Variants in MLIP observed in about 807,000 individuals in gnomAD.
MLIP encodes muscular LMNA-interacting protein.
In MLIP, 79 loss-of-function variants were observed where a neutral mutation model predicts 84.8. The observed-to-expected ratio is 0.93, with a 90% CI of 0.78 to 1.12. The LOEUF (loss-of-function observed/expected upper bound fraction) is 1.12. Among genes scored for constraint, MLIP ranks in the 50% most tolerant of loss-of-function variants. The pLI is 0.00. For missense variants in MLIP, 1,257 were observed against 1,160.6 expected (o/e 1.08, Z -1.21); for synonymous variants, 504 against 463.0 (o/e 1.09, Z -1.14).
At chr6:54,136,619 T>G (rs1004131305) in intron 3 of MLIP, 96 bp from the exon 4 acceptor site, 193 of 1,207,894 alleles carry the variant, frequency 1.6e-4, no homozygotes, top group Non-Finnish European at 2.0e-4. Flanking sequence ...CCTCCTTTTG[T>G]GTAAATTGTT....
chr6:54,063,778 G>A (rs1189694712), intron 1 of MLIP, among the ~76,000 whole-genome samples: 4 of 150,836 alleles, frequency 2.7e-5, no homozygotes, highest in Non-Finnish European at 5.9e-5. Context: ...AGTACGTATA[G>A]TAATAAAAAT....
chr6:54,141,505 C>T (rs1772303453), intron 4 of MLIP, among the ~76,000 whole-genome samples: 4 of 152,060 alleles, frequency 2.6e-5, no homozygotes, highest in Admixed American at 2.6e-4. Flanking sequence ...CGGGGTTTCA[C>T]CATGTTGGCC....
intron 2 of MLIP, among the ~76,000 whole-genome samples, chr6:54,123,480 T>C (rs539671424): frequency 6.6e-6 from 1 of 152,344 alleles, no homozygotes; most frequent in East Asian, 1.9e-4. Context: ...CCTGACTATA[T>C]CCTCATTATC....
At chr6:54,227,503 T>C (rs1024385057) in intron 11 of MLIP, among the ~76,000 whole-genome samples, 1 of 152,068 alleles carries the variant, frequency 6.6e-6, no homozygotes, top group Admixed American at 6.5e-5. Context: ...CCTACAAAAG[T>C]AGATGAAGAT....
intron 9 of MLIP, among the ~76,000 whole-genome samples, chr6:54,179,142 A>G (rs1296495365): frequency 3.3e-5 from 5 of 152,188 alleles, no homozygotes. Context: ...TTTTATCATT[A>G]TATAATGACA....
At chr6:54,217,387 C>A in intron 11 of MLIP, 3 of 985,394 alleles carry the variant, frequency 3.0e-6, no homozygotes, top group Non-Finnish European at 3.6e-6. Flanking sequence ...TGAAGTTAAA[C>A]AGTATGATTT....
At chr6:54,023,860 G>A (rs1581973396) in intron 1 of MLIP, among the ~76,000 whole-genome samples, 1 of 151,958 alleles carries the variant, frequency 6.6e-6, no homozygotes, top group East Asian at 1.9e-4. Flanking sequence ...GAGAGCCACT[G>A]TGCCTGGCCC....
Position 54,230,584 on chromosome 6 carries a change from C to G in MLIP, c.2719-130C>G, listed in dbSNP as rs1238708326. On this transcript the variant is annotated intron_variant, in intron 11 of 13. Coordinates refer to ENST00000502396, the MANE Select transcript of MLIP (RefSeq NM_001281747.2). Reference sequence around the variant, plus strand: ...GAAAGCAGTTGTCTCATGAGGGACACCATCTCATGAGGAGAGGTTGTCTTC... The same window carrying G: ...GAAAGCAGTTGTCTCATGAGGGACAGCATCTCATGAGGAGAGGTTGTCTTC... The G allele has an allele frequency of 3.9e-6, 3 of 770,824 alleles. No homozygotes were observed. The Admixed American group carries it at 6.2e-5, about 16-fold the overall frequency. The allele number at this position is 770,824 out of a possible 1,614,324, so 47.7% of individuals were successfully genotyped here.
intron 1 of MLIP, among the ~76,000 whole-genome samples, chr6:54,100,449 A>AT (rs1768559238): frequency 6.6e-6 from 1 of 152,086 alleles, no homozygotes; most frequent in Non-Finnish European, 1.5e-5. Flanking sequence ...TGAGAAGAAA[A>AT]TTTTTAAAAA....
chr6:54,172,594 T>C (rs1446470771), intron 9 of MLIP, among the ~76,000 whole-genome samples: 2 of 151,686 alleles, frequency 1.3e-5, no homozygotes, highest in African/African-American at 4.8e-5. Flanking sequence ...GTTTTCTGTG[T>C]ATTCATAGGT....
At chr6:54,063,633 A>G (rs765676457) in intron 1 of MLIP, among the ~76,000 whole-genome samples, 71 of 152,140 alleles carry the variant, frequency 4.7e-4, no homozygotes, top group South Asian at 1.0e-3. Flanking sequence ...AATTTGTCCA[A>G]GGTAGATTCA....
chr6:54,146,556 A>G (rs1030839320), intron 4 of MLIP, among the ~76,000 whole-genome samples: 19 of 152,188 alleles, frequency 1.2e-4, no homozygotes, highest in Admixed American at 9.8e-4. Context: ...TTTTGGCTCA[A>G]TGTAGGGGAG....
chr6:54,095,754 G>A lies in MLIP; in HGVS notation c.64-25693G>A, dbSNP rs532692117. Among the ~76,000 whole-genome samples, 194 of 152,270 alleles carry A rather than the reference G, an allele frequency of 1.3e-3. 2 individuals carry two copies. Among genetic ancestry groups the A allele is most frequent in the Non-Finnish European group, 1.0e-3 (68 of 68,002 alleles). On this transcript the variant is annotated intron_variant, in intron 1 of 12. Coordinates refer to the MLIP transcript ENST00000274897. ...ATGAGAGAAGAGTAAAAACAACAGC[G>A]GAAGCTTAGTCAGAGTTTGCAGAGT...
intron 11 of MLIP, chr6:54,215,290 T>C: frequency 6.8e-7 from 1 of 1,461,624 alleles, no homozygotes; most frequent in East Asian, 2.6e-5. Flanking sequence ...ATGATAGAAT[T>C]CAATGGCAAG....
chr6:54,230,808 T>A lies in MLIP; in HGVS notation c.2813T>A (p.Leu938His), dbSNP rs757170810. The change falls in exon 12 of 14, where the codon CTC becomes CAC. Residue 938 changes from leucine (L) to histidine (H), a missense_variant. Leu to His is a moderately conservative substitution (Grantham distance 99). Coordinates refer to ENST00000502396, the MANE Select transcript of MLIP (RefSeq NM_001281747.2). ...PAKSLLHPQTLSHADCLAPGP... is the reference protein window; with the variant it reads ...PAKSLLHPQTHSHADCLAPGP... ...AAGTCACTGCTGCATCCACAGACCC[T>A]CTCACATGCTGACTGTCTTGCCCCA... 3.8e-5 allele frequency: 62 copies of A among 1,613,880 alleles called. No individual in the cohort carries two copies. In the South Asian group the frequency reaches 6.4e-4, roughly 17 times the overall value.
chr6:54,225,457 G>A (rs1780512644), intron 11 of MLIP, among the ~76,000 whole-genome samples: 1 of 152,158 alleles, frequency 6.6e-6, no homozygotes, highest in Non-Finnish European at 1.5e-5. Flanking sequence ...TGGCTGAAAT[G>A]TCATTATGCA....
chr6:54,227,368 A>T (rs1582559967), intron 11 of MLIP, among the ~76,000 whole-genome samples: 2 of 152,216 alleles, frequency 1.3e-5, no homozygotes, highest in Non-Finnish European at 2.9e-5. Flanking sequence ...AAATGAGATG[A>T]GAATTTGAGG....
At chr6:54,053,364 G>A (rs1343154916) in intron 1 of MLIP, among the ~76,000 whole-genome samples, 1 of 152,144 alleles carries the variant, frequency 6.6e-6, no homozygotes, top group African/African-American at 2.4e-5. Context: ...AACTTCATAT[G>A]AAAATGAATA....
intron 1 of MLIP, among the ~76,000 whole-genome samples, chr6:54,102,231 A>G (rs534098386): frequency 1.7e-4 from 26 of 152,292 alleles, no homozygotes; most frequent in South Asian, 4.1e-4. Context: ...TCTAGTGGAC[A>G]TCGTAATTCT....
Sources: allele counts gnomAD v4.1 joint callset (sites outside exome capture counted in the v4.1 genomes callset), GRCh38; gene constraint gnomAD v4.1.1; transcripts MANE v1.5; gene names NCBI Gene and HGNC (gene_info 2026-07-23, HGNC 2026-07-21).